TMLHE: variants seen among roughly 807,000 people sequenced by gnomAD.
The protein encoded by TMLHE is trimethyllysine dioxygenase, mitochondrial.
A neutral mutation model predicts 25.7 loss-of-function variants in TMLHE; 18 were observed. The ratio of observed to expected loss-of-function variants is 0.70; its 90% CI spans 0.48 to 1.04. The LOEUF is 1.04. TMLHE is among the 50% of genes least tolerant of loss of function. The pLI, the probability that TMLHE is intolerant of heterozygous loss-of-function variation, is 0.00. For missense variants in TMLHE, 236 were observed against 259.0 expected (o/e 0.91, Z 0.61); for synonymous variants, 105 against 97.0 (o/e 1.08, Z -0.49).
intron 2 of TMLHE, among the ~76,000 whole-genome samples, chrX:155,537,995 G>A (rs935443679): frequency 3.6e-5 from 4 of 111,251 alleles, no homozygotes; most frequent in African/African-American, 1.3e-4. Context: ...AGTATGTAAC[G>A]TCAACTCTGT....
At chrX:155,549,690 T>C (rs1397746243) in intron 1 of TMLHE, among the ~76,000 whole-genome samples, 1 of 110,269 alleles carries the variant, frequency 9.1e-6, no homozygotes. Flanking sequence ...TGTGTATGTG[T>C]GTGTGTCATC....
At chrX:155,585,444 CACACACACAT>C (rs1401565079) in intron 1 of TMLHE, among the ~76,000 whole-genome samples, 4 of 110,347 alleles carry the variant, frequency 3.6e-5, no homozygotes, top group African/African-American at 1.3e-4. Context: ...CACACACACA[CACACACACAT>C]ATATATATGC....
intron 3 of TMLHE, chrX:155,524,204 A>C: frequency 3.7e-6 from 1 of 267,773 alleles, no homozygotes; most frequent in Non-Finnish European, 6.6e-6. Context: ...TAGTGGTAAG[A>C]ATGGGCATCC....
chrX:155,550,715 T>G (rs938765651), intron 1 of TMLHE, among the ~76,000 whole-genome samples: 5 of 110,814 alleles, frequency 4.5e-5, no homozygotes, highest in African/African-American at 1.7e-4. Context: ...GACAAGTGGT[T>G]TCTCAATCCT....
At chrX:155,524,874 A>G (rs1399788428) in intron 2 of TMLHE, among the ~76,000 whole-genome samples, 1 of 111,816 alleles carries the variant, frequency 8.9e-6, no homozygotes, top group Admixed American at 9.5e-5. Context: ...ACCCAAATGC[A>G]TATGGAAATC....
intron 5 of TMLHE, among the ~76,000 whole-genome samples, chrX:155,509,491 C>G (rs2067094025): frequency 9.0e-6 from 1 of 111,666 alleles, no homozygotes. Flanking sequence ...ACTAAAGCCA[C>G]AAACAGTTGT....
chrX:155,593,407 G>A (rs186978076), intron 1 of TMLHE, among the ~76,000 whole-genome samples: 254 of 111,912 alleles, frequency 2.3e-3, no homozygotes, highest in Non-Finnish European at 3.1e-3. Context: ...AGATGGCCCC[G>A]TCCAGTATCA....
At chrX:155,507,938 C>T (rs1486210954) in intron 5 of TMLHE, among the ~76,000 whole-genome samples, 9 of 110,728 alleles carry the variant, frequency 8.1e-5, no homozygotes, top group Non-Finnish European at 1.5e-4. Flanking sequence ...AGAAGACACA[C>T]CTGAGAGATA....
At chrX:155,534,983 A>G (rs1409872896) in intron 2 of TMLHE, among the ~76,000 whole-genome samples, 2 of 111,724 alleles carry the variant, frequency 1.8e-5, no homozygotes, top group African/African-American at 6.5e-5. Flanking sequence ...GGAGCCCTTT[A>G]TCTCTCCACC....
intron 2 of TMLHE, among the ~76,000 whole-genome samples, chrX:155,535,886 G>A (rs782196727): frequency 3.6e-5 from 4 of 112,037 alleles, no homozygotes; most frequent in Admixed American, 1.9e-4. Flanking sequence ...GCTAACCTCT[G>A]TAGCATCTTT....
At chrX:155,560,636 C>T (rs2067491407) in intron 1 of TMLHE, among the ~76,000 whole-genome samples, 1 of 52,134 alleles carries the variant, frequency 1.9e-5, no homozygotes, top group African/African-American at 4.1e-5. Context: ...ATAGCCAATG[C>T]AAAGGCTCTA....
At chrX:155,571,465 T>C (rs1190257699) in intron 1 of TMLHE, among the ~76,000 whole-genome samples, 1 of 55,408 alleles carries the variant, frequency 1.8e-5, no homozygotes, top group African/African-American at 4.4e-5. Context: ...AAAGAGGGAA[T>C]CCTCCCTAAC....
At chrX:155,601,099 C>T (rs1260549579) in intron 1 of TMLHE, among the ~76,000 whole-genome samples, 2 of 111,740 alleles carry the variant, frequency 1.8e-5, no homozygotes, top group Non-Finnish European at 3.8e-5. Context: ...AATTCTATAT[C>T]CAGCAAAATT....
chrX:155,576,807 C>G lies in TMLHE; in HGVS notation c.-1-31530G>C, dbSNP rs1195969413. 2.7e-5 allele frequency among the ~76,000 whole-genome samples: 3 copies of G among 111,835 alleles called. No homozygotes were observed. The Admixed American group carries it at 2.8e-4, about 11-fold the overall frequency. On this transcript the variant is annotated intron_variant, in intron 1 of 7. Transcript: ENST00000334398. The stretch of plus-strand genomic sequence containing the variant: ...TGCTGGGATAACTGCTAGCCATATG[C>G]AGAAGATTAAAACTGGACCCCTTCC...
chrX:155,560,490 C>A, intron 1 of TMLHE, among the ~76,000 whole-genome samples: 1 of 102,953 alleles, frequency 9.7e-6, no homozygotes, highest in African/African-American at 3.4e-5. Flanking sequence ...TAAAAAATAG[C>A]AGGATAAAGC....
At chrX:155,551,214 CTTTT>C (rs1177508444) in intron 1 of TMLHE, among the ~76,000 whole-genome samples, 1 of 109,639 alleles carries the variant, frequency 9.1e-6, no homozygotes, top group East Asian at 2.8e-4. Flanking sequence ...CATGTATTTT[CTTTT>C]TTTTTATTAT....
intron 1 of TMLHE, among the ~76,000 whole-genome samples, chrX:155,582,932 T>A (rs1226274024): frequency 1.4e-4 from 16 of 112,451 alleles, no homozygotes; most frequent in African/African-American, 5.2e-4. Flanking sequence ...CAAATGTCCA[T>A]CAATGATAGA....
Position 155,550,225 on chromosome X carries a change from T to G in TMLHE, c.-1-4948A>C, listed in dbSNP as rs1044480342. On this transcript the variant is annotated intron_variant, in intron 1 of 7. Coordinates refer to ENST00000334398, the MANE Select transcript of TMLHE (RefSeq NM_018196.4). Reference sequence around the variant, plus strand: ...TTATCGTAGAATGATTTTTTTTTGGTCTTGCAAAATCAGTTTTATTGTAAT... The same window carrying G: ...TTATCGTAGAATGATTTTTTTTTGGGCTTGCAAAATCAGTTTTATTGTAAT... Among the ~76,000 whole-genome samples the G allele has an allele frequency of 8.1e-5, 9 of 110,828 alleles. 1 individual carries two copies. The highest frequency in any genetic ancestry group is 3.0e-4 in the African/African-American group (9 of 29,987).
intron 3 of TMLHE, among the ~76,000 whole-genome samples, chrX:155,515,149 C>T (rs1392565144): frequency 9.0e-6 from 1 of 111,169 alleles, no homozygotes; most frequent in Middle Eastern, 4.7e-3. Context: ...GATTGACAGC[C>T]TGGCATCATT....
Sources: allele counts gnomAD v4.1 joint callset (sites outside exome capture counted in the v4.1 genomes callset), GRCh38; gene constraint gnomAD v4.1.1; transcripts MANE v1.5; gene names NCBI Gene and HGNC (gene_info 2026-07-23, HGNC 2026-07-21).